The following CLIC5 variants were observed in gnomAD, a reference collection of about 807,000 sequenced individuals.
CLIC5 encodes the protein chloride intracellular channel protein 5.
A neutral mutation model predicts 24.7 loss-of-function variants in CLIC5; 20 were observed. That is an observed-to-expected ratio of 0.81 (90% confidence interval 0.57 to 1.18). CLIC5 has a LOEUF of 1.18. CLIC5 is among the 50% of genes most tolerant of loss of function. The probability of loss-of-function intolerance (pLI) is 0.00; values close to 1 mark genes in which losing one functional copy is unlikely to be tolerated. For synonymous variants in CLIC5, 159 were observed against 135.6 expected (o/e 1.17, Z -1.20); for missense variants, 341 against 326.1 (o/e 1.05, Z -0.35).
intron 1 of CLIC5, among the ~76,000 whole-genome samples, chr6:45,985,737 G>A (rs967397766): frequency 1.3e-5 from 2 of 152,206 alleles, no homozygotes; most frequent in South Asian, 2.1e-4. Flanking sequence ...TTTTCCAAAG[G>A]TCATCCTCCT....
chr6:45,938,938 C>T (rs944827700), intron 4 of CLIC5, among the ~76,000 whole-genome samples: 3 of 151,984 alleles, frequency 2.0e-5, no homozygotes, highest in South Asian at 2.1e-4. Flanking sequence ...TGTCCTCAGC[C>T]GGGAAAGCAG....
chr6:46,025,803 C>T (rs1700103802), intron 1 of CLIC5, among the ~76,000 whole-genome samples: 1 of 152,068 alleles, frequency 6.6e-6, no homozygotes, highest in African/African-American at 2.4e-5. Context: ...GACGAATTTC[C>T]CCCTTGCTGT....
chr6:45,902,790 A>G lies in CLIC5; in HGVS notation c.*298T>C, dbSNP rs1430293004. On this transcript the variant is annotated 3_prime_UTR_variant, in exon 6 of 6. Transcript: ENST00000339561. ...ATATTGGCAGAAGAAGCTAGTGGCA[A>G]TCCCATATGTGGGCTCTCCAACACT... The G allele has an allele frequency of 5.3e-6, 2 of 376,306 alleles. No individual in the cohort carries two copies. Among genetic ancestry groups the G allele is most frequent in the Non-Finnish European group, 9.6e-6 (2 of 208,756 alleles). The allele number at this position is 376,306 out of a possible 1,614,324, so 23.3% of individuals were successfully genotyped here.
At chr6:45,954,094 T>C (rs1185182100) in intron 2 of CLIC5, among the ~76,000 whole-genome samples, 1 of 151,506 alleles carries the variant, frequency 6.6e-6, no homozygotes, top group African/African-American at 2.4e-5. Context: ...GCCAAGATGG[T>C]GAAACCCCGT....
chr6:46,105,644 T>C, the CLIC5 span, among the ~76,000 whole-genome samples: 1 of 152,350 alleles, frequency 6.6e-6, no homozygotes, highest in East Asian at 1.9e-4. Flanking sequence ...CACCCCCTTT[T>C]GAAGTCTTCT....
At chr6:46,046,057 C>T (rs1353137239) in intron 1 of CLIC5, among the ~76,000 whole-genome samples, 2 of 152,122 alleles carry the variant, frequency 1.3e-5, no homozygotes, top group African/African-American at 4.8e-5. Context: ...CAGAATTACT[C>T]CATAGTTACC....
chr6:46,108,032 C>CAAAAAAAAAAAAAAAAAAAAAAA, the CLIC5 span, among the ~76,000 whole-genome samples: 1 of 33,308 alleles, frequency 3.0e-5, no homozygotes, highest in Admixed American at 4.2e-4. Flanking sequence ...AAAACTCCAT[C>CAAAAAAAAAAAAAAAAAAAAAAA]AAAAAAAAAA....
intron 1 of CLIC5, among the ~76,000 whole-genome samples, chr6:46,034,816 T>C (rs1767616291): frequency 6.6e-6 from 1 of 152,176 alleles, no homozygotes; most frequent in Admixed American, 6.5e-5. Flanking sequence ...TGACAGAGGC[T>C]AGAGCAGGCA....
chr6:46,023,890 C>CAA (rs577419053), intron 1 of CLIC5, among the ~76,000 whole-genome samples: 6 of 141,658 alleles, frequency 4.2e-5, no homozygotes, highest in African/African-American at 1.0e-4. Context: ...TAACAAAATT[C>CAA]AAAAAAAAAA....
intron 4 of CLIC5, 23 bp from the exon 5 acceptor site, chr6:45,914,432 C>T (rs760597144): frequency 1.5e-5 from 23 of 1,539,486 alleles, no homozygotes; most frequent in African/African-American, 6.9e-5. Flanking sequence ...AGTAAAAGGG[C>T]CTTTATTCAA....
intron 4 of CLIC5, among the ~76,000 whole-genome samples, chr6:45,936,297 C>T (rs951168992): frequency 4.6e-5 from 7 of 150,696 alleles, no homozygotes; most frequent in African/African-American, 9.8e-5. Context: ...CTCCGCCTCC[C>T]GGGTTCAAGT....
Position 45,917,697 on chromosome 6 carries a change from A to T in CLIC5, c.407-3288T>A, listed in dbSNP as rs528896006. Among the ~76,000 whole-genome samples the T allele has an allele frequency of 1.2e-4, 18 of 152,290 alleles. 1 individual carries two copies. In the East Asian group the frequency reaches 3.5e-3, roughly 29 times the overall value. ...GGCAGTACCCACTATACGCTCTGCC[A>T]ATTCTTTTCCTCCCACCTGCCAACT... On this transcript the variant is annotated intron_variant, in intron 4 of 5. Coordinates refer to ENST00000339561, the MANE Select transcript of CLIC5 (RefSeq NM_016929.5).
At chr6:46,042,099 T>C (rs529749666) in intron 1 of CLIC5, among the ~76,000 whole-genome samples, 21 of 152,272 alleles carry the variant, frequency 1.4e-4, no homozygotes, top group African/African-American at 5.1e-4. Flanking sequence ...TTTTATTGAT[T>C]TTTGTCTCAT....
Position 45,984,555 on chromosome 6 carries a change from T to C in CLIC5, c.64-29311A>G, listed in dbSNP as rs143458244. Among the ~76,000 whole-genome samples, 391 of 152,348 alleles carry C rather than the reference T, an allele frequency of 2.6e-3. 2 individuals are homozygous for C. Among genetic ancestry groups the C allele is most frequent in the African/African-American group, 8.6e-3 (356 of 41,582 alleles). On this transcript the variant is annotated intron_variant, in intron 1 of 5. Coordinates refer to ENST00000339561, the MANE Select transcript of CLIC5 (RefSeq NM_016929.5). Reference sequence around the variant, plus strand: ...TGTTTTGAGGTTCTAGGTAATGTAGTACGTGTGCTTCATAAACTTTGAAAC... The same window carrying C: ...TGTTTTGAGGTTCTAGGTAATGTAGCACGTGTGCTTCATAAACTTTGAAAC...
chr6:46,090,856 G>A, the CLIC5 span, among the ~76,000 whole-genome samples: 1 of 152,172 alleles, frequency 6.6e-6, no homozygotes, highest in African/African-American at 2.4e-5. Context: ...AACCTAATGT[G>A]GTGTGTAAAC....
chr6:46,074,329 G>T (rs974128947), intron 1 of CLIC5, among the ~76,000 whole-genome samples: 1 of 152,078 alleles, frequency 6.6e-6, no homozygotes, highest in African/African-American at 2.4e-5. Flanking sequence ...GCCCCATTTT[G>T]AATACCATGA....
chr6:45,926,991 A>G (rs186084779), intron 4 of CLIC5, among the ~76,000 whole-genome samples: 1 of 152,262 alleles, frequency 6.6e-6, no homozygotes. Flanking sequence ...TTTTAAATAA[A>G]TACAGTCAGA....
chr6:46,042,695 T>C (rs1225240500), intron 1 of CLIC5, among the ~76,000 whole-genome samples: 1 of 152,216 alleles, frequency 6.6e-6, no homozygotes, highest in Non-Finnish European at 1.5e-5. Flanking sequence ...ACAGACTATG[T>C]GTTTAAACAA....
intron 1 of CLIC5, among the ~76,000 whole-genome samples, chr6:45,981,646 C>T (rs544038315): frequency 6.6e-6 from 1 of 152,172 alleles, no homozygotes; most frequent in East Asian, 1.9e-4. Context: ...TTTCATATTG[C>T]TGTTCAGTTT....
Sources: gnomAD v4.1 joint callset for allele counts (sites outside exome capture counted in the v4.1 genomes callset) on GRCh38, gnomAD v4.1.1 for gene constraint, MANE v1.5 for transcripts, NCBI Gene and HGNC (gene_info 2026-07-23, HGNC 2026-07-21) for gene names.